The following PTRH1 variants were observed in gnomAD, a reference collection of about 807,000 sequenced individuals.
PTRH1 encodes the protein peptidyl-tRNA hydrolase.
A neutral mutation model predicts 15.7 loss-of-function variants in PTRH1; 13 were observed. The ratio of observed to expected loss-of-function variants is 0.83; its 90% confidence interval spans 0.54 to 1.31. The LOEUF is 1.31. Among genes scored for constraint, PTRH1 ranks in the 40% most tolerant of loss-of-function variants. The pLI is 0.00. For synonymous variants in PTRH1, 139 were observed against 136.7 expected (o/e 1.02, Z -0.12); for missense variants, 319 against 296.2 (o/e 1.08, Z -0.56).
Position 127,715,423 on chromosome 9 carries a change from C to A in PTRH1, c.96+121G>T. On this transcript the variant is annotated intron_variant, in intron 1 of 4. Coordinates refer to ENST00000543175, the MANE Select transcript of PTRH1 (RefSeq NM_001002913.3). The surrounding 1 kb of genome is among the most constrained non-coding windows in gnomAD (Gnocchi z 5.8). ...TTCAAGAAGTTTGGAGCCCGTCGAG[C>A]ACTGAACTCACCAGTTAAGAAAACA... 1 of 1,419,226 alleles carries A rather than the reference C, an allele frequency of 7.0e-7. No individual in the cohort carries two copies. Among genetic ancestry groups the A allele is most frequent in the Non-Finnish European group, 9.7e-7 (1 of 1,029,178 alleles). 87.9% of individuals were successfully genotyped at this position (1,419,226 alleles called of 1,614,324 possible).
chr9:127,710,666 T>C (rs1442226325), downstream of PTRH1: 76 of 1,584,976 alleles, frequency 4.8e-5, no homozygotes, highest in Non-Finnish European at 6.5e-5. Context: ...CAAGTTCACA[T>C]TGCTGGAGGA....
At chr9:127,713,719 C>G (rs1381434990), downstream of PTRH1, 1 of 790,012 alleles carries the variant, frequency 1.3e-6, no homozygotes, top group Non-Finnish European at 2.2e-6. Flanking sequence ...GTTGGCCAGG[C>G]TGGTCTCGAA....
chr9:127,714,379 A>G lies in PTRH1; in HGVS notation c.462T>C (p.Asn154=). The change falls in exon 4 of 5, where the codon AAT becomes AAC. Residue 154 remains asparagine, a splice_region_variant and synonymous_variant. Coordinates refer to ENST00000543175, the MANE Select transcript of PTRH1 (RefSeq NM_001002913.3). ...TTGCACAACAAAAGGGTAGACTCACATTGGAGTTGAGGCAGCTAATGCAGG... is the reference window on the plus strand; with the variant it reads ...TTGCACAACAAAAGGGTAGACTCACGTTGGAGTTGAGGCAGCTAATGCAGG... The part of the protein sequence containing the change: ...VRSCISCLNS[N]AMPRLRVGIG... 1 of 1,614,238 alleles carries G rather than the reference A, an allele frequency of 6.2e-7. No individual in the cohort carries two copies. The highest frequency in any genetic ancestry group is 8.5e-7 in the Non-Finnish European group (1 of 1,180,028).
At chr9:127,709,573 C>T (rs1256470531), downstream of PTRH1, 6 of 1,613,978 alleles carry the variant, frequency 3.7e-6, no homozygotes, top group Non-Finnish European at 5.1e-6. This position sits in a 1 kb window ranked among gnomAD's most constrained non-coding sequence, Gnocchi z 4.7. Context: ...CAACGAGCAG[C>T]TCCAGAACTT....
chr9:127,705,542 C>T lies in PTRH1; in HGVS notation c.205+9893G>A, dbSNP rs1024052817. Among the ~76,000 whole-genome samples the T allele has an allele frequency of 1.3e-5, 2 of 152,232 alleles. No individual in the cohort carries two copies. Among genetic ancestry groups the T allele is most frequent in the African/African-American group, 4.8e-5 (2 of 41,466 alleles). Reference sequence around the variant, plus strand: ...CACCCTCTGTGGGCTCCAGGCTGCCCGAGGGGCTGTGGGCCCCATTAAGCT... The same window carrying T: ...CACCCTCTGTGGGCTCCAGGCTGCCTGAGGGGCTGTGGGCCCCATTAAGCT... On this transcript the variant is annotated intron_variant, in intron 1 of 2. Transcript: ENST00000335223. The surrounding 1 kb of genome is among the most constrained non-coding windows in gnomAD (Gnocchi z 4.7).
At chr9:127,710,745 A>C, downstream of PTRH1, 1 of 1,565,608 alleles carries the variant, frequency 6.4e-7, no homozygotes, top group South Asian at 1.2e-5. Flanking sequence ...TCGGTGCTGG[A>C]CAAGGACAGG....
downstream of PTRH1, chr9:127,712,184 C>T: frequency 6.2e-7 from 1 of 1,613,590 alleles, no homozygotes; most frequent in Non-Finnish European, 8.5e-7. Context: ...TTGACTCATC[C>T]CAGTTGGGGT....
chr9:127,713,755 C>A (rs549516068), downstream of PTRH1: 52 of 1,208,838 alleles, frequency 4.3e-5, no homozygotes, highest in Admixed American at 1.5e-4. Flanking sequence ...AATCCCCCAG[C>A]CTCGGCCTCC....
At chr9:127,706,508 A>G (rs1208472381) in intron 1 of PTRH1, among the ~76,000 whole-genome samples, 2 of 152,162 alleles carry the variant, frequency 1.3e-5, no homozygotes, top group African/African-American at 4.8e-5. Flanking sequence ...GAACACAGGC[A>G]GGCACACAGG....
At chr9:127,714,908 T>G in intron 2 of PTRH1, 67 bp downstream of exon 2, 1 of 979,582 alleles carries the variant, frequency 1.0e-6, no homozygotes, top group Non-Finnish European at 1.5e-6. Flanking sequence ...AGTGCTCCCC[T>G]CTGGCCCCCG....
chr9:127,709,102 A>G (rs1842707045), downstream of PTRH1, among the ~76,000 whole-genome samples: 2 of 152,222 alleles, frequency 1.3e-5, no homozygotes, highest in Non-Finnish European at 2.9e-5. The surrounding 1 kb of genome is among the most constrained non-coding windows in gnomAD (Gnocchi z 4.7). Flanking sequence ...AGGTTGTTGT[A>G]ATGATTTAAC....
In PTRH1 at chr9:127,705,160, C is replaced by T. The variant is rs768850241; in HGVS notation, c.206-10019G>A. On this transcript the variant is annotated intron_variant, in intron 1 of 2. Transcript: ENST00000335223. The surrounding 1 kb of genome is among the most constrained non-coding windows in gnomAD (Gnocchi z 4.7). ...CAGGCCACTGTCCACTGTCCTTGGC[C>T]GGTGCTGCAGTCTGCATGGCTTTGT... is the stretch of plus-strand genomic sequence containing the variant. Among the ~76,000 whole-genome samples the T allele has an allele frequency of 6.6e-5, 10 of 152,168 alleles. No individual in the cohort carries two copies. The highest frequency in any genetic ancestry group is 6.2e-4 in the South Asian group (3 of 4,828).
chr9:127,714,942 C>T, intron 2 of PTRH1, 33 bp downstream of exon 2: 4 of 235,298 alleles, frequency 1.7e-5, no homozygotes, highest in Non-Finnish European at 3.1e-5. Flanking sequence ...ACCCCCTTGG[C>T]CCGCCCGCCC....
downstream of PTRH1, chr9:127,711,554 G>T: frequency 1.9e-6 from 3 of 1,576,014 alleles, no homozygotes; most frequent in Non-Finnish European, 2.6e-6. Flanking sequence ...GGCCGCCCTG[G>T]GGGCCCTGCA....
downstream of PTRH1, chr9:127,712,301 G>A (rs376195684): frequency 2.5e-6 from 4 of 1,613,972 alleles, no homozygotes; most frequent in African/African-American, 1.3e-5. Flanking sequence ...GGGCCAGCCT[G>A]GAGGCGGCTC....
At chr9:127,701,425 A>G (rs1842602395) in intron 1 of PTRH1, among the ~76,000 whole-genome samples, 1 of 151,578 alleles carries the variant, frequency 6.6e-6, no homozygotes, top group African/African-American at 2.4e-5. Context: ...TTGAATAAAG[A>G]AAGGGAATGA....
chr9:127,699,612 A>G (rs958221465), intron 1 of PTRH1, among the ~76,000 whole-genome samples: 1 of 152,040 alleles, frequency 6.6e-6, no homozygotes, highest in Non-Finnish European at 1.5e-5. Context: ...CTAAAATTGG[A>G]ACCAGTGACA....
chr9:127,704,521 A>G (rs1842628183), intron 1 of PTRH1, among the ~76,000 whole-genome samples: 1 of 151,672 alleles, frequency 6.6e-6, no homozygotes, highest in South Asian at 2.1e-4. Context: ...AAAAAAAAAA[A>G]AAGAAAAGAA....
At chr9:127,707,151 C>A (rs781055340) in intron 1 of PTRH1, 2 of 1,613,582 alleles carry the variant, frequency 1.2e-6, no homozygotes, top group Non-Finnish European at 8.5e-7. Flanking sequence ...TGAAGGAGTT[C>A]TACCACATCC....
Sources: gnomAD v4.1 joint callset for allele counts (sites outside exome capture counted in the v4.1 genomes callset) on GRCh38, gnomAD v4.1.1 for gene constraint, Gnocchi (gnomAD v3.1) non-coding constraint, MANE v1.5 for transcripts, NCBI Gene and HGNC (gene_info 2026-07-23, HGNC 2026-07-21) for gene names.